MEF2C: variants seen among roughly 807,000 people sequenced by gnomAD.
The protein encoded by MEF2C is myocyte enhancer factor 2C.
A neutral mutation model predicts 50.5 loss-of-function variants in MEF2C; 6 were observed. That is an observed-to-expected ratio of 0.12 (90% CI 0.07 to 0.23). The LOEUF (loss-of-function observed/expected upper bound fraction) is 0.23, where lower values mean the gene tolerates loss of function less well. Ranked by LOEUF, MEF2C falls within the 10% of genes least tolerant of loss-of-function variation. MEF2C has a pLI of 1.00. For missense variants in MEF2C, 276 were observed against 605.0 expected (o/e 0.46, Z 5.70); for synonymous variants, 183 against 228.0 (o/e 0.80, Z 1.78).
intron 1 of MEF2C, chr5:88,888,912 A>G (rs911662257): frequency 2.0e-5 from 3 of 152,220 alleles, no homozygotes; most frequent in Non-Finnish European, 2.9e-5. Context: ...GTTGTTCATC[A>G]GAACATTGAT....
At position 88,880,454 on chromosome 5, in the gene MEF2C, T is replaced by A. The variant is rs550007148; in HGVS notation, c.-143+2501A>T. On this transcript the variant is annotated intron_variant, in intron 1 of 10. Coordinates refer to ENST00000504921, the MANE Select transcript of MEF2C (RefSeq NM_002397.5). ...ATTTTTGTCACTTTCTGAGATTTCA[T>A]AGACTCAAATTATACCACACTTTAG... 3.7e-4 allele frequency among the ~76,000 whole-genome samples: 56 copies of A among 152,238 alleles called. No individual in the cohort carries two copies. The South Asian group carries it at 8.3e-3, about 23-fold the overall frequency.
At chr5:88,803,183 A>G (rs909814222) in intron 3 of MEF2C, among the ~76,000 whole-genome samples, 68 of 152,266 alleles carry the variant, frequency 4.5e-4, no homozygotes, top group African/African-American at 1.6e-3. Context: ...GATCAAGGCA[A>G]GCACACAATT....
chr5:88,728,759 G>A (rs1460924492), intron 9 of MEF2C, 131 bp from the exon 10 acceptor site: 1 of 647,410 alleles, frequency 1.5e-6, no homozygotes, highest in East Asian at 3.4e-5. Flanking sequence ...TTTTAATTTT[G>A]AGGGGAGGGG....
intron 6 of MEF2C, chr5:88,740,299 A>G: frequency 1.0e-6 from 1 of 984,646 alleles, no homozygotes; most frequent in Non-Finnish European, 1.2e-6. Flanking sequence ...TGAGACAATG[A>G]GCTTTTAACG....
intron 6 of MEF2C, chr5:88,743,396 G>C (rs1310184710): frequency 4.1e-6 from 4 of 985,054 alleles, no homozygotes; most frequent in Admixed American, 1.2e-4. Context: ...TTTTTGATAA[G>C]TATTCTTGAA....
intron 3 of MEF2C, among the ~76,000 whole-genome samples, chr5:88,786,984 A>G (rs1452282198): frequency 6.6e-6 from 1 of 152,224 alleles, no homozygotes; most frequent in Non-Finnish European, 1.5e-5. Context: ...AGTAACTGGC[A>G]GAATGCTTAG....
chr5:88,749,220 A>C lies in MEF2C; in HGVS notation c.590-103T>G. On this transcript the variant is annotated intron_variant, in intron 5 of 10. Transcript: ENST00000504921. ...AGTATTTTGTCCTCTTGCAATAGTC[A>C]TAAACTTGTAAAGTACAACCCAAGT... 4 of 1,323,044 alleles carry C rather than the reference A, an allele frequency of 3.0e-6. No individual in the cohort carries two copies. The South Asian group carries it at 7.7e-5, about 25-fold the overall frequency. The allele number at this position is 1,323,044 out of a possible 1,614,324, so 82.0% of individuals were successfully genotyped here. A position where few individuals can be genotyped will look rare whatever the true frequency, so the allele number is the denominator to read the frequency against.
chr5:88,891,142 C>G (rs904316165), intron 1 of MEF2C, among the ~76,000 whole-genome samples: 3 of 152,168 alleles, frequency 2.0e-5, no homozygotes, highest in Non-Finnish European at 4.4e-5. Flanking sequence ...GTCATAGATT[C>G]ATATAATGCC....
chr5:88,884,826 T>C (rs1833890657), upstream of MEF2C, among the ~76,000 whole-genome samples: 1 of 150,746 alleles, frequency 6.6e-6, no homozygotes, highest in African/African-American at 2.4e-5. Context: ...GGCTTTAATA[T>C]TTAGGCTACT....
At chr5:88,776,899 C>T (rs983222391) in intron 3 of MEF2C, among the ~76,000 whole-genome samples, 1 of 152,188 alleles carries the variant, frequency 6.6e-6, no homozygotes, top group African/African-American at 2.4e-5. Flanking sequence ...CTCAACAAGG[C>T]CAAGTGCATG....
At chr5:88,860,942 A>G (rs546993452) in intron 1 of MEF2C, among the ~76,000 whole-genome samples, 34 of 152,280 alleles carry the variant, frequency 2.2e-4, no homozygotes, top group African/African-American at 7.9e-4. Flanking sequence ...CCTCATGCCA[A>G]ATATTTTAGG....
At chr5:88,792,421 A>G (rs573589944) in intron 3 of MEF2C, among the ~76,000 whole-genome samples, 81 of 152,302 alleles carry the variant, frequency 5.3e-4, no homozygotes, top group African/African-American at 1.9e-3. Flanking sequence ...AGTCTCTCGA[A>G]GTGAACATTT....
intron 3 of MEF2C, chr5:88,771,457 C>A (rs1460537279): frequency 1.0e-6 from 1 of 985,420 alleles, no homozygotes; most frequent in Non-Finnish European, 1.2e-6. Context: ...AGAAGGCACT[C>A]AGGAACTCCC....
chr5:88,740,764 T>G (rs147934228), intron 6 of MEF2C: 1 of 985,266 alleles, frequency 1.0e-6, no homozygotes, highest in African/African-American at 1.7e-5. Flanking sequence ...AAAATGCTAT[T>G]GAACCACACT....
chr5:88,869,298 C>CGTATAT (rs1828687855), intron 1 of MEF2C, among the ~76,000 whole-genome samples: 2 of 101,132 alleles, frequency 2.0e-5, no homozygotes, highest in Admixed American at 1.2e-4. Context: ...TATATATACA[C>CGTATAT]ATATATATAT....
At chr5:88,863,846 G>C (rs1456605867) in intron 1 of MEF2C, among the ~76,000 whole-genome samples, 3 of 146,646 alleles carry the variant, frequency 2.0e-5, no homozygotes, top group Non-Finnish European at 3.0e-5. Flanking sequence ...TTTTGAGAGA[G>C]AGCCTCGCTC....
chr5:88,851,727 G>A (rs184937099), intron 1 of MEF2C, among the ~76,000 whole-genome samples: 328 of 151,964 alleles, frequency 2.2e-3, no homozygotes, highest in Non-Finnish European at 3.9e-3. Flanking sequence ...GGTCATGTAC[G>A]ACTCCTTATT....
chr5:88,740,210 CTG>C, intron 6 of MEF2C: 3 of 979,210 alleles, frequency 3.1e-6, no homozygotes, highest in Non-Finnish European at 3.6e-6. Context: ...GTTTCTTGGG[CTG>C]TGTTTTGTTC....
chr5:88,735,263 A>G (rs1457917813), intron 6 of MEF2C: 1 of 985,298 alleles, frequency 1.0e-6, no homozygotes, highest in Non-Finnish European at 1.2e-6. Flanking sequence ...TTCACCAAAG[A>G]GAATGGTCGC....
Sources: allele counts gnomAD v4.1 joint callset (sites outside exome capture counted in the v4.1 genomes callset), GRCh38; gene constraint gnomAD v4.1.1; transcripts MANE v1.5; gene names NCBI Gene and HGNC (gene_info 2026-07-23, HGNC 2026-07-21).